Variants in PAM observed in about 807,000 individuals in gnomAD.
The protein encoded by PAM is peptidyl-glycine alpha-amidating monooxygenase.
Under a neutral mutation model 122.1 loss-of-function variants are expected in PAM, and 72 were observed. The ratio of observed to expected loss-of-function variants is 0.59; its 90% CI spans 0.49 to 0.72. PAM has a LOEUF of 0.72. Ranked by LOEUF, PAM falls within the 30% of genes least tolerant of loss-of-function variation. The pLI is 0.00. For synonymous variants in PAM, 389 were observed against 404.4 expected, an observed-to-expected ratio of 0.96 and a Z score of 0.46; for missense variants, 1,106 against 1,183.7, an observed-to-expected ratio of 0.93 and a Z score of 0.96.
At chr5:102,827,251 C>A (rs1773930902) in intron 1 of PAM, among the ~76,000 whole-genome samples, 1 of 152,008 alleles carries the variant, frequency 6.6e-6, no homozygotes, top group South Asian at 2.1e-4. Flanking sequence ...AAAGGAGGAG[C>A]ATTTCTGATT....
At chr5:102,926,699 A>T in intron 7 of PAM, 31 bp downstream of exon 7, 1 of 1,040,126 alleles carries the variant, frequency 9.6e-7, no homozygotes, top group Non-Finnish European at 1.5e-6. Context: ...ACTAAGCAAA[A>T]CTTCTAGTAC....
intron 1 of PAM, among the ~76,000 whole-genome samples, chr5:102,853,043 G>A (rs1297896319): frequency 6.6e-6 from 1 of 152,106 alleles, no homozygotes; most frequent in Admixed American, 6.6e-5. Context: ...AGCCACTTTT[G>A]GAATATAAAT....
intron 7 of PAM, among the ~76,000 whole-genome samples, chr5:102,929,240 A>C (rs1165232157): frequency 6.6e-6 from 1 of 152,208 alleles, no homozygotes; most frequent in African/African-American, 2.4e-5. Flanking sequence ...ATGAATCTCT[A>C]TATGCCTGAT....
intron 3 of PAM, among the ~76,000 whole-genome samples, chr5:102,891,611 C>T (rs918639085): frequency 6.6e-6 from 1 of 151,814 alleles, no homozygotes; most frequent in Non-Finnish European, 1.5e-5. Flanking sequence ...TATAATTTTT[C>T]AGAAGGCACA....
At chr5:103,026,628 A>G (rs1022361712) in intron 24 of PAM, among the ~76,000 whole-genome samples, 1 of 152,216 alleles carries the variant, frequency 6.6e-6, no homozygotes, top group Non-Finnish European at 1.5e-5. Context: ...AAAGAGCAAG[A>G]ATCCATATCT....
intron 1 of PAM, among the ~76,000 whole-genome samples, chr5:102,795,783 A>G (rs1364039733): frequency 1.3e-5 from 2 of 152,058 alleles, no homozygotes; most frequent in Non-Finnish European, 2.9e-5. Flanking sequence ...ATAAATGGCA[A>G]CTCTCTTCAC....
intron 1 of PAM, among the ~76,000 whole-genome samples, chr5:102,804,036 A>G (rs763246399): frequency 1.3e-5 from 2 of 151,950 alleles, no homozygotes; most frequent in Non-Finnish European, 2.9e-5. Context: ...TGAGGGTTGC[A>G]GGGGGGGATG....
At chr5:102,796,975 GC>G (rs1763535113) in intron 1 of PAM, among the ~76,000 whole-genome samples, 1 of 152,184 alleles carries the variant, frequency 6.6e-6, no homozygotes, top group Non-Finnish European at 1.5e-5. Context: ...ATGATAGAGA[GC>G]CATATGCTTC....
intron 1 of PAM, among the ~76,000 whole-genome samples, chr5:102,758,127 C>T (rs529442102): frequency 9.0e-6 from 1 of 111,286 alleles, no homozygotes; most frequent in Non-Finnish European, 1.7e-5. Flanking sequence ...AAAGAATGAG[C>T]AAGAATTCCA....
intron 17 of PAM, among the ~76,000 whole-genome samples, chr5:103,003,470 A>G (rs1395366821): frequency 6.6e-6 from 1 of 152,170 alleles, no homozygotes; most frequent in Non-Finnish European, 1.5e-5. Flanking sequence ...CACCTCAAAA[A>G]TGTTAGGTAT....
rs752755864 is a variant in PAM at position 102,974,102 on chromosome 5, T to A, written c.1163-14T>A. The A allele has an allele frequency of 2.5e-6, 4 of 1,599,974 alleles. No homozygotes were observed. In the South Asian group the frequency reaches 4.4e-5, roughly 18 times the overall value. On this transcript the variant is annotated splice_polypyrimidine_tract_variant and intron_variant, in intron 14 of 25. Coordinates refer to ENST00000438793, the MANE Select transcript of PAM (RefSeq NM_001177306.2). The stretch of plus-strand genomic sequence containing the variant: ...CTACCCTCCACGCCCTTATCTCTTC[T>A]CTTTTTTCCACAGGTGATTTCTATT...
intron 1 of PAM, among the ~76,000 whole-genome samples, chr5:102,820,989 A>G (rs1405116239): frequency 2.0e-5 from 3 of 152,242 alleles, no homozygotes; most frequent in Admixed American, 1.3e-4. Context: ...TAATCACTTC[A>G]CAGTTGGAGT....
chr5:102,945,384 G>GCAATATTTATATTGAAATATAAATT (rs556684721), intron 7 of PAM, among the ~76,000 whole-genome samples: 2,149 of 151,484 alleles, frequency 0.014, 40 homozygotes, highest in South Asian at 0.041. Flanking sequence ...GTGGAAATGT[G>GCAATATTTATATTGAAATATAAATT]CAATATTTAT....
intron 1 of PAM, among the ~76,000 whole-genome samples, chr5:102,775,785 G>A (rs372104214): frequency 6.6e-6 from 1 of 152,202 alleles, no homozygotes; most frequent in African/African-American, 2.4e-5. Flanking sequence ...ATTGTGAATA[G>A]TGCTGCAATA....
rs192049680 is a variant in PAM, at chr5:102,960,708, C to T, written c.1091-450C>T. ...GAGTTTTGCAAGTTCAGTCTTAACA[C>T]GCTAGAGCAGCTTCTTATTTCTTTC... On this transcript the variant is annotated intron_variant, in intron 13 of 25. Coordinates refer to ENST00000438793, the MANE Select transcript of PAM (RefSeq NM_001177306.2). 1.3e-3 allele frequency among the ~76,000 whole-genome samples: 195 copies of T among 151,812 alleles called. 1 individual carries two copies. The highest frequency in any genetic ancestry group is 4.4e-3 in the African/African-American group (184 of 41,464).
At chr5:102,881,421 T>C (rs1440366603) in intron 3 of PAM, among the ~76,000 whole-genome samples, 1 of 152,054 alleles carries the variant, frequency 6.6e-6, no homozygotes, top group Non-Finnish European at 1.5e-5. Context: ...AGCTATGATA[T>C]ACAGAGCTTT....
At chr5:102,763,652 G>C (rs974726259) in intron 1 of PAM, among the ~76,000 whole-genome samples, 16 of 152,178 alleles carry the variant, frequency 1.1e-4, no homozygotes, top group Non-Finnish European at 4.4e-5. Flanking sequence ...GTGAGATAGG[G>C]TAGGAAGAAA....
chr5:102,915,996 A>C (rs1421186011), intron 5 of PAM, among the ~76,000 whole-genome samples: 1 of 152,164 alleles, frequency 6.6e-6, no homozygotes. Flanking sequence ...GAAAGTGAAA[A>C]CAGAAATTTT....
At chr5:102,886,906 C>G (rs912973414) in intron 3 of PAM, among the ~76,000 whole-genome samples, 5 of 149,090 alleles carry the variant, frequency 3.4e-5, no homozygotes, top group Non-Finnish European at 6.0e-5. Context: ...AACTGATCTC[C>G]CTTGAATCTA....
Sources: allele counts gnomAD v4.1 joint callset (sites outside exome capture counted in the v4.1 genomes callset), GRCh38; gene constraint gnomAD v4.1.1; transcripts MANE v1.5; gene names NCBI Gene and HGNC (gene_info 2026-07-23, HGNC 2026-07-21).